Variants in PRELID2 observed in about 807,000 individuals in gnomAD.
PRELID2 encodes the protein PRELI domain containing 2.
PRELID2 carries 25 observed loss-of-function variants against 28.4 expected under a neutral mutation model. That is an observed-to-expected ratio of 0.88 (90% CI 0.64 to 1.23). PRELID2 has a LOEUF of 1.23. Among genes scored for constraint, PRELID2 ranks in the 50% most tolerant of loss-of-function variants. PRELID2 has a pLI of 0.00. For missense variants in PRELID2, 201 were observed against 214.4 expected, an observed-to-expected ratio of 0.94 and a Z score of 0.39; for synonymous variants, 76 against 71.6, an observed-to-expected ratio of 1.06 and a Z score of -0.31.
chr5:145,798,098 G>A (rs548682271), intron 4 of PRELID2, among the ~76,000 whole-genome samples: 1 of 151,834 alleles, frequency 6.6e-6, no homozygotes, highest in South Asian at 2.1e-4. Flanking sequence ...TCACTAGAGT[G>A]GCTCATTCAA....
intron 1 of PRELID2, among the ~76,000 whole-genome samples, chr5:145,609,223 A>G (rs1448990129): frequency 6.6e-6 from 1 of 152,090 alleles, no homozygotes. Flanking sequence ...AATGTTGATG[A>G]TCTTCGTTCT....
intron 5 of PRELID2, among the ~76,000 whole-genome samples, chr5:145,780,610 T>A (rs1758725633): frequency 6.6e-6 from 1 of 152,230 alleles, no homozygotes; most frequent in African/African-American, 2.4e-5. Flanking sequence ...AATAAGTTTT[T>A]TTAATTTTGT....
the PRELID2 span, among the ~76,000 whole-genome samples, chr5:145,271,486 G>A: frequency 6.6e-6 from 1 of 152,072 alleles, no homozygotes; most frequent in Non-Finnish European, 1.5e-5. Context: ...AAAGTACTGG[G>A]ATTATAGGTG....
chr5:145,306,848 A>T, the PRELID2 span, among the ~76,000 whole-genome samples: 1 of 152,310 alleles, frequency 6.6e-6, no homozygotes, highest in Non-Finnish European at 1.5e-5. Context: ...TACTAAATGT[A>T]GTCATCTTTA....
chr5:145,688,740 C>A (rs17103624), intron 1 of PRELID2, among the ~76,000 whole-genome samples: 14,998 of 152,142 alleles, frequency 0.099, 1,027 homozygotes, highest in Admixed American at 0.2. Flanking sequence ...GTACCTAGAG[C>A]GTAAGGTGCA....
chr5:145,496,747 C>T (rs1752313300), intron 1 of PRELID2, among the ~76,000 whole-genome samples: 1 of 152,120 alleles, frequency 6.6e-6, no homozygotes, highest in South Asian at 2.1e-4. Context: ...AAACCTACCT[C>T]GTGGTCTGAA....
At chr5:145,232,109 A>T in the PRELID2 span, among the ~76,000 whole-genome samples, 1 of 152,160 alleles carries the variant, frequency 6.6e-6, no homozygotes, top group Non-Finnish European at 1.5e-5. Context: ...TAATGGAACC[A>T]TAATATATCC....
intron 1 of PRELID2, among the ~76,000 whole-genome samples, chr5:145,660,034 G>C (rs2149676458): frequency 6.6e-6 from 1 of 152,238 alleles, no homozygotes; most frequent in East Asian, 1.9e-4. Flanking sequence ...CAAAGGGATT[G>C]AGCACTTTAT....
At chr5:145,648,625 CGGTTTTTTTGTA>C (rs1382258663) in intron 1 of PRELID2, among the ~76,000 whole-genome samples, 1 of 148,194 alleles carries the variant, frequency 6.7e-6, no homozygotes, top group Non-Finnish European at 1.5e-5. Context: ...TGAGTTTAGG[CGGTTTTTTTGTA>C]TTATCCTCCC....
intron 1 of PRELID2, among the ~76,000 whole-genome samples, chr5:145,650,183 T>A (rs551780565): frequency 0.06 from 9,113 of 152,080 alleles, 910 homozygotes; most frequent in African/African-American, 0.21. Context: ...TTCCCTAGCG[T>A]TGCCCTGAAT....
chr5:145,574,476 C>A (rs1258935433), intron 1 of PRELID2, among the ~76,000 whole-genome samples: 13 of 152,236 alleles, frequency 8.5e-5, no homozygotes. Flanking sequence ...ATCTACCCTG[C>A]TGCCCCACTC....
intron 4 of PRELID2, among the ~76,000 whole-genome samples, chr5:145,804,285 C>T (rs1292516938): frequency 6.6e-6 from 1 of 151,990 alleles, no homozygotes; most frequent in Non-Finnish European, 1.5e-5. Flanking sequence ...CTGAGGCAGG[C>T]ATATCATGAG....
At chr5:145,521,304 A>T (rs1023915498) in intron 1 of PRELID2, among the ~76,000 whole-genome samples, 3 of 152,138 alleles carry the variant, frequency 2.0e-5, no homozygotes, top group African/African-American at 4.8e-5. Context: ...GGCACCATCT[A>T]TCCCAGAGTC....
chr5:145,818,256 C>T (rs1445457645), intron 3 of PRELID2, among the ~76,000 whole-genome samples: 1 of 152,060 alleles, frequency 6.6e-6, no homozygotes, highest in African/African-American at 2.4e-5. Flanking sequence ...ATGCAAATGA[C>T]CCAGGATTTA....
chr5:145,623,528 C>T (rs765794779), intron 1 of PRELID2, among the ~76,000 whole-genome samples: 2 of 151,734 alleles, frequency 1.3e-5, no homozygotes, highest in Non-Finnish European at 2.9e-5. Context: ...TTGACACAGA[C>T]TTAGACAAAC....
intron 5 of PRELID2, among the ~76,000 whole-genome samples, chr5:145,774,188 C>T (rs1026399643): frequency 4.6e-5 from 7 of 152,152 alleles, no homozygotes; most frequent in Admixed American, 6.5e-5. Context: ...TCAATAGTCC[C>T]GTGAGGTAAG....
intron 1 of PRELID2, among the ~76,000 whole-genome samples, chr5:145,682,780 T>A (rs1195187662): frequency 1.3e-5 from 2 of 152,078 alleles, no homozygotes; most frequent in African/African-American, 4.8e-5. Context: ...CCAGCAGCGG[T>A]TCCTGTTACT....
intron 4 of PRELID2, among the ~76,000 whole-genome samples, chr5:145,804,284 G>A (rs1031610174): frequency 6.6e-6 from 1 of 152,098 alleles, no homozygotes; most frequent in Non-Finnish European, 1.5e-5. Flanking sequence ...GCTGAGGCAG[G>A]CATATCATGA....
At chr5:145,648,886 G>C (rs1754241484) in intron 1 of PRELID2, among the ~76,000 whole-genome samples, 1 of 151,296 alleles carries the variant, frequency 6.6e-6, no homozygotes, top group African/African-American at 2.4e-5. Context: ...TATACAGATA[G>C]TCCCCAACTT....
Sources: allele counts gnomAD v4.1 joint callset (sites outside exome capture counted in the v4.1 genomes callset), GRCh38; gene constraint gnomAD v4.1.1; transcripts MANE v1.5; gene names NCBI Gene and HGNC (gene_info 2026-07-23, HGNC 2026-07-21).